CDH18: variants seen among roughly 807,000 people sequenced by gnomAD.
CDH18 encodes the protein cadherin-18.
A neutral mutation model predicts 67.9 loss-of-function variants in CDH18; 31 were observed. The observed-to-expected ratio is 0.46, with a 90% CI of 0.34 to 0.62. The LOEUF is 0.62. Ranked by LOEUF, CDH18 falls within the 20% of genes least tolerant of loss-of-function variation. CDH18 has a pLI of 0.01. For missense variants in CDH18, 890 were observed against 975.5 expected (o/e 0.91, Z 1.17); for synonymous variants, 362 against 347.2 (o/e 1.04, Z -0.48).
chr5:20,266,863 G>C (rs773448897), intron 1 of CDH18, among the ~76,000 whole-genome samples: 2 of 151,942 alleles, frequency 1.3e-5, no homozygotes, highest in Non-Finnish European at 2.9e-5. Context: ...TTTAGTAAAG[G>C]GTAACTTCAT....
chr5:20,173,570 G>A (rs1737008403), intron 2 of CDH18, among the ~76,000 whole-genome samples: 2 of 152,114 alleles, frequency 1.3e-5, no homozygotes, highest in African/African-American at 2.4e-5. Context: ...CCATAGAAAT[G>A]GCTTTTAGCA....
chr5:19,538,852 T>C (rs1037155067), intron 9 of CDH18, among the ~76,000 whole-genome samples: 2 of 152,140 alleles, frequency 1.3e-5, no homozygotes, highest in African/African-American at 4.8e-5. Flanking sequence ...CTTATAAAAG[T>C]ACTTACAAAC....
chr5:20,283,257 G>T (rs894705622), intron 1 of CDH18, among the ~76,000 whole-genome samples: 3 of 152,030 alleles, frequency 2.0e-5, no homozygotes, highest in African/African-American at 4.8e-5. Context: ...GGGCAAATGG[G>T]ATCACATCAA....
At chr5:20,072,796 T>C (rs1743597741) in intron 2 of CDH18, among the ~76,000 whole-genome samples, 2 of 151,946 alleles carry the variant, frequency 1.3e-5, no homozygotes, top group African/African-American at 4.8e-5. Flanking sequence ...AATTAATCTA[T>C]GATTATTAAA....
chr5:19,608,074 A>G (rs1198994759), intron 6 of CDH18, among the ~76,000 whole-genome samples: 1 of 151,778 alleles, frequency 6.6e-6, no homozygotes, highest in Non-Finnish European at 1.5e-5. Flanking sequence ...AGACTTTAAC[A>G]TCTCTCTCAA....
chr5:19,808,544 G>T (rs1035806621), intron 3 of CDH18, among the ~76,000 whole-genome samples: 2 of 151,996 alleles, frequency 1.3e-5, no homozygotes, highest in African/African-American at 2.4e-5. Context: ...ATCAGTCTAA[G>T]CCTGGATGCG....
intron 2 of CDH18, among the ~76,000 whole-genome samples, chr5:19,907,705 C>T (rs1197642313): frequency 1.3e-5 from 2 of 151,802 alleles, no homozygotes; most frequent in African/African-American, 4.8e-5. Context: ...CTACAATTTC[C>T]AACTGATCTG....
chr5:20,334,356 C>T (rs1739508467), intron 1 of CDH18, among the ~76,000 whole-genome samples: 1 of 151,272 alleles, frequency 6.6e-6, no homozygotes, highest in Non-Finnish European at 1.5e-5. Flanking sequence ...CCAGGATGGT[C>T]TCGATCTCCT....
chr5:19,986,356 C>T (rs1354619544), intron 1 of CDH18, among the ~76,000 whole-genome samples: 1 of 152,118 alleles, frequency 6.6e-6, no homozygotes, highest in Non-Finnish European at 1.5e-5. Flanking sequence ...TGTCCTTCTA[C>T]TATTATATTC....
At chr5:20,352,816 AT>A (rs1296801834) in intron 1 of CDH18, among the ~76,000 whole-genome samples, 8 of 151,740 alleles carry the variant, frequency 5.3e-5, no homozygotes, top group Non-Finnish European at 7.4e-5. Flanking sequence ...TAAAAAAAAA[AT>A]AACCTAATGT....
At chr5:19,854,818 G>C (rs755431518) in intron 2 of CDH18, among the ~76,000 whole-genome samples, 1 of 150,304 alleles carries the variant, frequency 6.7e-6, no homozygotes, top group African/African-American at 2.4e-5. Context: ...ATACTAGATC[G>C]TATTCATTCT....
chr5:20,094,376 T>C lies in CDH18; in HGVS notation c.-517-102362A>G, dbSNP rs1055045516. Among the ~76,000 whole-genome samples, 4 of 152,312 alleles carry C rather than the reference T, an allele frequency of 2.6e-5. No individual in the cohort carries two copies. In the East Asian group the frequency reaches 7.7e-4, roughly 29 times the overall value. ...TTTTGGTTACTGTTGCCTTGTAGTA[T>C]AGTTTGAAGTCAGGTACTGTGATGC... On this transcript the variant is annotated intron_variant, in intron 2 of 14. Transcript: ENST00000507958.
chr5:19,700,012 T>G (rs1311121126), intron 5 of CDH18, among the ~76,000 whole-genome samples: 2 of 149,250 alleles, frequency 1.3e-5, no homozygotes, highest in South Asian at 4.2e-4. Context: ...TTCAATTAAT[T>G]TGAGATATTT....
chr5:19,666,879 C>T (rs1758030591), intron 5 of CDH18, among the ~76,000 whole-genome samples: 1 of 151,904 alleles, frequency 6.6e-6, no homozygotes, highest in African/African-American at 2.4e-5. Context: ...GTGGCCTTGT[C>T]TAAGTTTCTG....
chr5:20,230,526 C>A (rs1015939236), intron 2 of CDH18, among the ~76,000 whole-genome samples: 35 of 152,046 alleles, frequency 2.3e-4, no homozygotes, highest in African/African-American at 8.5e-4. Flanking sequence ...CTCTAGTTTT[C>A]CATTGTTAAT....
At chr5:20,243,199 A>G (rs1399335123) in intron 2 of CDH18, among the ~76,000 whole-genome samples, 1 of 152,120 alleles carries the variant, frequency 6.6e-6, no homozygotes, top group African/African-American at 2.4e-5. Flanking sequence ...AGAAACAGGC[A>G]TAGGAGTTGT....
intron 2 of CDH18, among the ~76,000 whole-genome samples, chr5:19,961,971 A>AAG (rs1796950194): frequency 6.6e-6 from 1 of 151,940 alleles, no homozygotes; most frequent in African/African-American, 2.4e-5. Context: ...AAATTTGGAA[A>AAG]CTTTTGTTAA....
chr5:20,364,172 T>C (rs1018494341), intron 1 of CDH18, among the ~76,000 whole-genome samples: 5 of 152,126 alleles, frequency 3.3e-5, no homozygotes, highest in African/African-American at 4.8e-5. Flanking sequence ...TAAATAATTT[T>C]TGGTTTATTC....
chr5:20,239,846 T>C (rs1170215233), intron 2 of CDH18, among the ~76,000 whole-genome samples: 2 of 151,980 alleles, frequency 1.3e-5, no homozygotes, highest in African/African-American at 4.8e-5. Flanking sequence ...ATCTGGGCCT[T>C]AAGAAATTAT....
Sources: gnomAD v4.1 joint callset for allele counts (sites outside exome capture counted in the v4.1 genomes callset) on GRCh38, gnomAD v4.1.1 for gene constraint, MANE v1.5 for transcripts, NCBI Gene and HGNC (gene_info 2026-07-23, HGNC 2026-07-21) for gene names.